The following PKHD1L1 variants were observed in gnomAD, a reference collection of about 807,000 sequenced individuals.
PKHD1L1 encodes the protein fibrocystin-L.
Under a neutral mutation model 462.9 loss-of-function variants are expected in PKHD1L1, and 434 were observed. The observed-to-expected ratio is 0.94, with a 90% CI of 0.87 to 1.02. The LOEUF is 1.02. PKHD1L1 is among the 50% of genes least tolerant of loss of function. The pLI, the probability that PKHD1L1 is intolerant of heterozygous loss-of-function variation, is 0.00. For missense variants in PKHD1L1, 5,202 were observed against 5,096.1 expected (o/e 1.02, Z -0.63); for synonymous variants, 1,781 against 1,750.0 (o/e 1.02, Z -0.44).
Position 109,435,257 on chromosome 8 carries a change from T to G in PKHD1L1, c.3408T>G (p.Ala1136=). The G allele has an allele frequency of 6.2e-7, 1 of 1,613,920 alleles. No homozygotes were observed. Among genetic ancestry groups the G allele is most frequent in the African/African-American group, 1.3e-5 (1 of 75,046 alleles). ...ATGCCCCCGTTGCTGTGTCCATGGC[T>G]GATGTTGGACTAGCACAGAATGTAG... ...AGHAPVAVSM[A]DVGLAQNVGG... Residue 1136 remains alanine (A), a synonymous_variant, in exon 29 of 78, where the codon GCT becomes GCG. Coordinates refer to ENST00000378402, the MANE Select transcript of PKHD1L1 (RefSeq NM_177531.6).
At chr8:109,491,831 GT>G in intron 61 of PKHD1L1, 41 bp from the exon 62 acceptor site, 1 of 1,513,744 alleles carries the variant, frequency 6.6e-7, no homozygotes, top group Non-Finnish European at 9.0e-7. Context: ...ATTGACTTAT[GT>G]TTTTTGGGGA....
At chr8:109,504,242 G>A (rs748222167) in intron 67 of PKHD1L1, 85 bp from the exon 68 acceptor site, 5 of 837,442 alleles carry the variant, frequency 6.0e-6, no homozygotes, top group Non-Finnish European at 8.7e-6. Flanking sequence ...AGTGACAAAA[G>A]ATGTGTTTGG....
At chr8:109,398,219 T>C (rs1813075739) in intron 11 of PKHD1L1, among the ~76,000 whole-genome samples, 2 of 152,158 alleles carry the variant, frequency 1.3e-5, no homozygotes, top group African/African-American at 2.4e-5. Flanking sequence ...TCTCAGAAAT[T>C]ATGAAATTTT....
chr8:109,373,670 C>A (rs1165925144), intron 2 of PKHD1L1, among the ~76,000 whole-genome samples: 1 of 152,194 alleles, frequency 6.6e-6, no homozygotes, highest in East Asian at 1.9e-4. Flanking sequence ...CTACACACTG[C>A]TTTGAATGTG....
rs1818951765 is a variant in PKHD1L1 at position 109,493,806 on chromosome 8, G to T, written c.10327+55G>T. 20 of 1,208,396 alleles carry T rather than the reference G, an allele frequency of 1.7e-5. 1 individual carries two copies. Among genetic ancestry groups the T allele is most frequent in the Non-Finnish European group, 2.2e-5 (19 of 860,330 alleles). 74.9% of individuals were successfully genotyped at this position (1,208,396 alleles called of 1,614,324 possible). Reference sequence around the variant, plus strand: ...ACTAGGAAATAACTTGTACAAAATTGTTAAAATAAATAATTATTGTTTGTT... The same window carrying T: ...ACTAGGAAATAACTTGTACAAAATTTTTAAAATAAATAATTATTGTTTGTT... On this transcript the variant is annotated intron_variant, in intron 63 of 77. Coordinates refer to ENST00000378402, the MANE Select transcript of PKHD1L1 (RefSeq NM_177531.6).
rs1340976769 is a variant in PKHD1L1 at position 109,445,205 on chromosome 8, T to C, written c.5336T>C (p.Ile1779Thr). 7 of 1,613,880 alleles carry C rather than the reference T, an allele frequency of 4.3e-6. No individual in the cohort carries two copies. In the Middle Eastern group the frequency reaches 4.9e-4, roughly 114 times the overall value. The change falls in exon 38 of 78, where the codon ATT becomes ACT. Residue 1779 changes from isoleucine (I) to threonine (T), a missense_variant. Around this residue, in one of 3 missense-constraint regions of PKHD1L1, gnomAD observed 4,497 missense variants for 4,336.8 expected, o/e 1.04. Coordinates refer to ENST00000378402, the MANE Select transcript of PKHD1L1 (RefSeq NM_177531.6). ...GGTTTGGGGACTGTTTTGGAGGACA[T>C]TGCTGTTTTCATTGGAAATCAACAG... is the stretch of plus-strand genomic sequence containing the variant. Reference protein sequence around the residue: ...GEGLGTVLEDIAVFIGNQQFR... With the variant: ...GEGLGTVLEDTAVFIGNQQFR...
intron 73 of PKHD1L1, among the ~76,000 whole-genome samples, chr8:109,519,606 C>A (rs1401600692): frequency 6.6e-6 from 1 of 152,084 alleles, no homozygotes; most frequent in Non-Finnish European, 1.5e-5. Flanking sequence ...TACCCCTCCC[C>A]AAGAACAGGA....
intron 11 of PKHD1L1, among the ~76,000 whole-genome samples, chr8:109,397,509 T>TA (rs1267157638): frequency 4.7e-5 from 7 of 149,724 alleles, no homozygotes; most frequent in African/African-American, 1.7e-4. Context: ...GATCTGTCTC[T>TA]ACAAAAAAAG....
At chr8:109,501,780 C>T (rs1163133939) in intron 67 of PKHD1L1, among the ~76,000 whole-genome samples, 1 of 152,110 alleles carries the variant, frequency 6.6e-6, no homozygotes, top group East Asian at 1.9e-4. Flanking sequence ...GACAAATCAT[C>T]CTGCCCATTT....
chr8:109,382,376 G>T, intron 3 of PKHD1L1, 87 bp from the exon 4 acceptor site: 1 of 1,037,402 alleles, frequency 9.6e-7, no homozygotes, highest in Non-Finnish European at 1.3e-6. Context: ...AAAATAGCCT[G>T]CAGTCTGGGG....
chr8:109,513,728 C>A (rs1006257827), intron 71 of PKHD1L1, among the ~76,000 whole-genome samples: 1 of 152,060 alleles, frequency 6.6e-6, no homozygotes, highest in Non-Finnish European at 1.5e-5. Context: ...CTTGGAACCA[C>A]TCTTGACTCC....
At chr8:109,415,492 G>A (rs1285291822) in intron 21 of PKHD1L1, among the ~76,000 whole-genome samples, 1 of 151,982 alleles carries the variant, frequency 6.6e-6, no homozygotes, top group African/African-American at 2.4e-5. Flanking sequence ...ACCTGGAGGT[G>A]CTCCAGCAAA....
At position 109,493,550 on chromosome 8, in the gene PKHD1L1, A is replaced by G. The variant is rs1275549417; in HGVS notation, c.10237-111A>G. On this transcript the variant is annotated intron_variant, in intron 62 of 77. Transcript: ENST00000378402. Reference sequence around the variant, plus strand: ...ATAAATACAAATTTTCCTCCTGAAAATGTAGTCATAATTAAAGGTTTTCAT... The same window carrying G: ...ATAAATACAAATTTTCCTCCTGAAAGTGTAGTCATAATTAAAGGTTTTCAT... 59 of 536,956 alleles carry G rather than the reference A, an allele frequency of 1.1e-4. No individual in the cohort carries two copies. In the Admixed American group the frequency reaches 2.3e-3, roughly 21 times the overall value. 33.3% of individuals were successfully genotyped at this position (536,956 alleles called of 1,614,324 possible).
chr8:109,381,580 A>G (rs1221374252), intron 3 of PKHD1L1, 66 bp downstream of exon 3: 35 of 1,209,606 alleles, frequency 2.9e-5, no homozygotes, highest in Non-Finnish European at 3.8e-5. Flanking sequence ...TATGAATATT[A>G]GTATTATAAT....
In PKHD1L1 at chr8:109,454,730, CAG is replaced by C. The variant is rs762555364; in HGVS notation, c.6756_6757del (p.Glu2252AspfsTer20). ...TTGTGACATCTTTTGCAGATTGGAA[CAG>C]AGACATCCCCATTCCAACACAAGGC... is the stretch of plus-strand genomic sequence containing the variant. On this transcript the variant is annotated frameshift_variant, in exon 45 of 78. Transcript: ENST00000378402. LOFTEE classifies it high-confidence loss of function. 2 of 1,613,472 alleles carry C rather than the reference CAG, an allele frequency of 1.2e-6. No homozygotes were observed. Among genetic ancestry groups the C allele is most frequent in the African/African-American group, 2.7e-5 (2 of 74,856 alleles).
chr8:109,431,879 C>T (rs146094366), intron 27 of PKHD1L1, among the ~76,000 whole-genome samples: 52 of 152,162 alleles, frequency 3.4e-4, no homozygotes, highest in Admixed American at 1.7e-3. Flanking sequence ...TATGAGTATT[C>T]GGTTTACTAG....
At chr8:109,469,024 G>T (rs1817586395) in intron 50 of PKHD1L1, among the ~76,000 whole-genome samples, 1 of 152,130 alleles carries the variant, frequency 6.6e-6, no homozygotes, top group African/African-American at 2.4e-5. Flanking sequence ...GGAATCTCAA[G>T]ATCAATCAAT....
At chr8:109,403,089 C>T (rs1158816656) in intron 14 of PKHD1L1, among the ~76,000 whole-genome samples, 1 of 152,138 alleles carries the variant, frequency 6.6e-6, no homozygotes, top group African/African-American at 2.4e-5. Flanking sequence ...ACCAGCTAGG[C>T]AGGAGCACAG....
At chr8:109,486,137 A>T (rs533555625) in intron 58 of PKHD1L1, among the ~76,000 whole-genome samples, 8 of 152,106 alleles carry the variant, frequency 5.3e-5, no homozygotes, top group Admixed American at 1.3e-4. Flanking sequence ...TGGATATGCT[A>T]CTACCTATTG....
Sources: allele counts gnomAD v4.1 joint callset (sites outside exome capture counted in the v4.1 genomes callset), GRCh38; gene constraint gnomAD v4.1.1; regional missense constraint gnomAD v4.1.1; transcripts MANE v1.5; gene names NCBI Gene and HGNC (gene_info 2026-07-23, HGNC 2026-07-21).